The following TAFA2 variants were observed in gnomAD, a reference collection of about 807,000 sequenced individuals.
TAFA2 encodes the protein chemokine-like protein TAFA-2.
TAFA2 carries 7 observed loss-of-function variants against 18.8 expected under a neutral mutation model. That is an observed-to-expected ratio of 0.37 (90% CI 0.21 to 0.70). TAFA2 has a LOEUF of 0.70. Among genes scored for constraint, TAFA2 ranks in the 30% least tolerant of loss-of-function variants. The probability of loss-of-function intolerance (pLI) is 0.53; values close to 1 mark genes in which losing one functional copy is unlikely to be tolerated. For missense variants in TAFA2, 122 were observed against 158.1 expected (o/e 0.77, Z 1.23); for synonymous variants, 60 against 54.2 (o/e 1.11, Z -0.47).
At chr12:61,891,580 G>A (rs369609253) in intron 1 of TAFA2, among the ~76,000 whole-genome samples, 3 of 151,936 alleles carry the variant, frequency 2.0e-5, no homozygotes, top group South Asian at 2.1e-4. Context: ...CCCGGGAGGC[G>A]GAGGTTGCAG....
chr12:62,017,654 C>A (rs1451251691), intron 1 of TAFA2, among the ~76,000 whole-genome samples: 1 of 151,946 alleles, frequency 6.6e-6, no homozygotes, highest in Non-Finnish European at 1.5e-5. Context: ...TGACTTTTTC[C>A]CTGAAAAATA....
intron 1 of TAFA2, among the ~76,000 whole-genome samples, chr12:62,111,768 T>C (rs1250449868): frequency 6.6e-6 from 1 of 152,218 alleles, no homozygotes; most frequent in Non-Finnish European, 1.5e-5. Context: ...TTTATCTTTG[T>C]TGGTTTAAAG....
chr12:61,836,301 GA>G (rs796755812), intron 2 of TAFA2, among the ~76,000 whole-genome samples: 1 of 151,964 alleles, frequency 6.6e-6, no homozygotes, highest in Admixed American at 6.6e-5. Flanking sequence ...AGATGTGAGT[GA>G]AAAAATATAA....
intron 1 of TAFA2, among the ~76,000 whole-genome samples, chr12:62,025,356 A>G (rs1565720460): frequency 6.6e-6 from 1 of 152,110 alleles, no homozygotes; most frequent in Non-Finnish European, 1.5e-5. Flanking sequence ...CCTTAGCATC[A>G]TACAATCTAC....
At chr12:61,880,749 T>A (rs1875091725) in intron 1 of TAFA2, 3 of 373,878 alleles carry the variant, frequency 8.0e-6, no homozygotes, top group Non-Finnish European at 1.6e-5. Context: ...TGTGTCTGAG[T>A]CCTCTGACGT....
chr12:61,812,829 C>G (rs1439215322), intron 2 of TAFA2, among the ~76,000 whole-genome samples: 1 of 151,272 alleles, frequency 6.6e-6, no homozygotes, highest in Non-Finnish European at 1.5e-5. Flanking sequence ...CTCAGCCTCT[C>G]AAAATGCTGG....
chr12:61,949,948 A>G (rs913652799), intron 1 of TAFA2, among the ~76,000 whole-genome samples: 1 of 152,128 alleles, frequency 6.6e-6, no homozygotes, highest in African/African-American at 2.4e-5. Flanking sequence ...AGTCCCTGGT[A>G]ATCACTCTCT....
rs537112729 is a variant in TAFA2, at chr12:61,875,781, G to A, written c.-1-8355C>T. On this transcript the variant is annotated intron_variant, in intron 1 of 4. Transcript: ENST00000416284. ...AAAAATTGGATTACCTTCTCCTACC[G>A]TTTTAACACAATGGCACTATGTCAC... 3.0e-4 allele frequency among the ~76,000 whole-genome samples: 45 copies of A among 152,192 alleles called. No homozygotes were observed. The South Asian group carries it at 4.3e-3, about 15-fold the overall frequency.
At chr12:61,889,139 A>T (rs1875519230) in intron 1 of TAFA2, among the ~76,000 whole-genome samples, 1 of 152,142 alleles carries the variant, frequency 6.6e-6, no homozygotes. Flanking sequence ...ATGATTATTG[A>T]TTTAGCTAAC....
At chr12:62,035,293 T>C (rs1412256387) in intron 1 of TAFA2, among the ~76,000 whole-genome samples, 2 of 152,106 alleles carry the variant, frequency 1.3e-5, no homozygotes, top group South Asian at 2.1e-4. Context: ...CTCCTGAAAA[T>C]TGTATTCTAA....
chr12:62,153,920 A>AATTAT (rs1218655574), intron 1 of TAFA2, among the ~76,000 whole-genome samples: 1,094 of 69,582 alleles, frequency 0.016, 15 homozygotes, highest in African/African-American at 0.059. Flanking sequence ...AACATAACAA[A>AATTAT]ATTATGTTAT....
intron 1 of TAFA2, chr12:62,234,792 G>A (rs757040397): frequency 8.8e-6 from 9 of 1,026,642 alleles, no homozygotes; most frequent in South Asian, 2.5e-5. Flanking sequence ...GGGATGCTCC[G>A]GTAGGAATGG....
At chr12:61,968,769 T>C (rs1879149665) in intron 1 of TAFA2, among the ~76,000 whole-genome samples, 1 of 151,732 alleles carries the variant, frequency 6.6e-6, no homozygotes, top group African/African-American at 2.4e-5. Flanking sequence ...ATTAGGAAAC[T>C]GATAGAGAAG....
rs778223317 is a variant in TAFA2 at position 62,242,796 on chromosome 12, A to C, written c.-130+15967T>G. On this transcript the variant is annotated intron_variant, in intron 1 of 5. Coordinates refer to the TAFA2 transcript ENST00000551619. ...TGGGCATAGTCTATAAGGGTTAAAA[A>C]GCCAAGCTTCTTAGTTTGAGAAAAT... Among the ~76,000 whole-genome samples the C allele has an allele frequency of 2.4e-4, 37 of 152,254 alleles. 1 individual carries two copies. Among genetic ancestry groups the C allele is most frequent in the Non-Finnish European group, 5.9e-5 (4 of 68,040 alleles).
At chr12:61,730,561 G>C (rs570587532) in intron 4 of TAFA2, among the ~76,000 whole-genome samples, 2 of 152,028 alleles carry the variant, frequency 1.3e-5, no homozygotes, top group African/African-American at 4.8e-5. Flanking sequence ...TCTGATCTCA[G>C]ACTCTCCATG....
chr12:62,204,219 C>A (rs980959471), intron 1 of TAFA2, among the ~76,000 whole-genome samples: 2 of 152,064 alleles, frequency 1.3e-5, no homozygotes, highest in African/African-American at 4.8e-5. Context: ...GTGAGTCTGA[C>A]GAACTTGCCT....
Position 62,014,035 on chromosome 12 carries a change from G to A in TAFA2, c.-1-146609C>T, listed in dbSNP as rs369259419. ...AATACTTGATATCTGACTGTTGACT[G>A]ATATCTTAGTGAACTACTGTGGAAT... On this transcript the variant is annotated intron_variant, in intron 1 of 4. Transcript: ENST00000416284. Among the ~76,000 whole-genome samples, 3 of 152,130 alleles carry A rather than the reference G, an allele frequency of 2.0e-5. No individual in the cohort carries two copies. In the East Asian group the frequency reaches 5.8e-4, roughly 29 times the overall value.
intron 1 of TAFA2, among the ~76,000 whole-genome samples, chr12:62,087,457 G>A (rs1232137240): frequency 6.6e-6 from 1 of 152,158 alleles, no homozygotes; most frequent in East Asian, 1.9e-4. Context: ...ACATTTGACT[G>A]AGGTCTGATT....
intron 1 of TAFA2, among the ~76,000 whole-genome samples, chr12:61,888,261 C>T (rs928224627): frequency 2.6e-5 from 4 of 152,230 alleles, no homozygotes; most frequent in Admixed American, 6.5e-5. Context: ...AATCATGCTG[C>T]TAATTGCTTT....
Sources: gnomAD v4.1 joint callset for allele counts (sites outside exome capture counted in the v4.1 genomes callset) on GRCh38, gnomAD v4.1.1 for gene constraint, MANE v1.5 for transcripts, NCBI Gene and HGNC (gene_info 2026-07-23, HGNC 2026-07-21) for gene names.